PCK1: variants seen among roughly 807,000 people sequenced by gnomAD.
PCK1 encodes phosphoenolpyruvate carboxykinase 1, also known as phosphoenolpyruvate carboxykinase, cytosolic [GTP].
Under a neutral mutation model 50.3 loss-of-function variants are expected in PCK1, and 44 were observed. That is an observed-to-expected ratio of 0.87 (90% CI 0.69 to 1.12). PCK1 has a LOEUF of 1.12. PCK1 is among the 50% of genes most tolerant of loss of function. The pLI is 0.00. For synonymous variants in PCK1, 332 were observed against 314.3 expected (o/e 1.06, Z -0.59); for missense variants, 790 against 815.0 (o/e 0.97, Z 0.37).
Position 57,562,050 on chromosome 20 carries a change from G to A in PCK1, c.225-21G>A, listed in dbSNP as rs763741418. The stretch of plus-strand genomic sequence containing the variant: ...CGCTGCCCGTGGTGCTTGGCTGAAA[G>A]GAAGCCTGTGATTTTTGCAGCTGGT... On this transcript the variant is annotated intron_variant, in intron 2 of 9. Transcript: ENST00000319441. 1.1e-5 allele frequency: 17 copies of A among 1,610,030 alleles called. No individual in the cohort carries two copies. In the South Asian group the frequency reaches 1.9e-4, roughly 18 times the overall value.
In PCK1 at chr20:57,567,977, C is replaced by A. The variant is rs28359563; in HGVS notation, c.*2173C>A. The A allele has an allele frequency of 3.0e-3, 463 of 152,272 alleles. 1 individual carries two copies. Among genetic ancestry groups the A allele is most frequent in the African/African-American group, 0.011 (450 of 41,558 alleles). The allele number at this position is 152,272 out of a possible 1,614,324, so 9.4% of individuals were successfully genotyped here. On this transcript the variant is annotated 3_prime_UTR_variant, in exon 10 of 10. Transcript: ENST00000319441. Reference sequence around the variant, plus strand: ...ACACAGCATAAGAGTTTTCAGGAGACCAAAAAGATTCAATATATGTCATTA... The same window carrying A: ...ACACAGCATAAGAGTTTTCAGGAGAACAAAAAGATTCAATATATGTCATTA...
At chr20:57,562,323 T>C in intron 3 of PCK1, 71 bp downstream of exon 3, 1 of 1,309,118 alleles carries the variant, frequency 7.6e-7, no homozygotes, top group Non-Finnish European at 1.1e-6. Context: ...ATCCTAATGG[T>C]AATTCAAACA....
Position 57,563,670 on chromosome 20 carries a change from G to C in PCK1, c.904G>C (p.Gly302Arg), listed in dbSNP as rs200817092. ...GGCCATGATGAACCCCAGCCTCCCC[G>C]GGTGGAAGGTTGAGTGCGTCGGGGA... ...NLAMMNPSLP[G>R]WKVECVGDDI... Residue 302 changes from glycine to arginine, a missense_variant, in exon 6 of 10, where the codon GGG becomes CGG. Gly to Arg is a moderately radical substitution (Grantham distance 125). Coordinates refer to ENST00000319441, the MANE Select transcript of PCK1 (RefSeq NM_002591.4). 5 of 1,613,734 alleles carry C rather than the reference G, an allele frequency of 3.1e-6. No homozygotes were observed. Among genetic ancestry groups the C allele is most frequent in the Non-Finnish European group, 4.2e-6 (5 of 1,179,822 alleles).
rs747340326 is a variant in PCK1 at position 57,566,070 on chromosome 20, C to T, written c.*266C>T. The T allele has an allele frequency of 9.4e-6, 4 of 424,684 alleles. No individual in the cohort carries two copies. The highest frequency in any genetic ancestry group is 1.7e-5 in the Non-Finnish European group (4 of 237,660). The allele number at this position is 424,684 out of a possible 1,614,324, so 26.3% of individuals were successfully genotyped here. On this transcript the variant is annotated 3_prime_UTR_variant, in exon 10 of 10. Transcript: ENST00000319441. ...CATAGTTTGTTCAAATTTAAGGTTACTCAGGCATTGATCTTTTCAGTGTTT... is the reference window on the plus strand; with the variant it reads ...CATAGTTTGTTCAAATTTAAGGTTATTCAGGCATTGATCTTTTCAGTGTTT...
chr20:57,563,793 T>A (rs2070176737), intron 6 of PCK1, 66 bp downstream of exon 6: 1 of 1,294,458 alleles, frequency 7.7e-7, no homozygotes, highest in Non-Finnish European at 1.1e-6. Context: ...CTTCGAAACA[T>A]GTCACATTCT....
intron 8 of PCK1, 170 bp downstream of exon 8, chr20:57,564,783 C>A (rs2070187391): frequency 1.5e-6 from 1 of 657,454 alleles, no homozygotes. Context: ...GTAGAACCAA[C>A]CCTTCTGGTC....
chr20:57,565,923 G>A lies in PCK1; in HGVS notation c.*119G>A, dbSNP rs937153155. ...CCACCATAATAATCATCACCACACC[G>A]TGAGCAGATCTGAAAGGCACACTTT... On this transcript the variant is annotated 3_prime_UTR_variant, in exon 10 of 10. Coordinates refer to ENST00000319441, the MANE Select transcript of PCK1 (RefSeq NM_002591.4). The A allele has an allele frequency of 2.6e-5, 19 of 718,750 alleles. No individual in the cohort carries two copies. Among genetic ancestry groups the A allele is most frequent in the Middle Eastern group, 2.6e-4 (1 of 3,882 alleles). 44.5% of individuals were successfully genotyped at this position (718,750 alleles called of 1,614,324 possible). A position where few individuals can be genotyped will look rare whatever the true frequency, so the allele number is the denominator to read the frequency against.
intron 6 of PCK1, 79 bp downstream of exon 6, chr20:57,563,806 T>C: frequency 2.5e-6 from 3 of 1,195,074 alleles, no homozygotes; most frequent in Non-Finnish European, 3.6e-6. Flanking sequence ...CACATTCTCC[T>C]CAGTCCAGTG....
In PCK1 at chr20:57,567,132, T is replaced by C. The variant is rs1320860223; in HGVS notation, c.*1328T>C. 1 of 152,216 alleles carries C rather than the reference T, an allele frequency of 6.6e-6. No individual in the cohort carries two copies. The highest frequency in any genetic ancestry group is 1.5e-5 in the Non-Finnish European group (1 of 68,056). 9.4% of individuals were successfully genotyped at this position (152,216 alleles called of 1,614,324 possible). ...CTTTATATCACAGATTCAATCTGTG[T>C]AAATACTATTATCTTCAAGTTGTAG... On this transcript the variant is annotated 3_prime_UTR_variant, in exon 10 of 10. Coordinates refer to ENST00000319441, the MANE Select transcript of PCK1 (RefSeq NM_002591.4).
Position 57,567,259 on chromosome 20 carries a change from C to G in PCK1, c.*1455C>G, listed in dbSNP as rs890734383. The G allele has an allele frequency of 6.6e-6, 1 of 152,216 alleles. No homozygotes were observed. Among genetic ancestry groups the G allele is most frequent in the Non-Finnish European group, 1.5e-5 (1 of 68,056 alleles). 9.4% of individuals were successfully genotyped at this position (152,216 alleles called of 1,614,324 possible). A position where few individuals can be genotyped will look rare whatever the true frequency, so the allele number is the denominator to read the frequency against. On this transcript the variant is annotated 3_prime_UTR_variant, in exon 10 of 10. Transcript: ENST00000319441. The stretch of plus-strand genomic sequence containing the variant: ...CACTCCACCCCTCCAGTCTCCTCAA[C>G]TGGAAAACTTGCCTCTTTTCCTCAC...
rs2070153132 is a variant in PCK1 at position 57,562,255 on chromosome 20, G to A, written c.406+3G>A. 2 of 1,612,316 alleles carry A rather than the reference G, an allele frequency of 1.2e-6. No individual in the cohort carries two copies. Among genetic ancestry groups the A allele is most frequent in the East Asian group, 2.2e-5 (1 of 44,870 alleles). ...CAGGTTCCCAGGGTGCATGAAAGGT[G>A]AGCGGAACATTGATTTGATTGGGTA... On this transcript the variant is annotated splice_donor_region_variant and intron_variant, in intron 3 of 9. Transcript: ENST00000319441.
rs8192708 is a variant in PCK1, at chr20:57,563,565, A to G, written c.799A>G (p.Ile267Val). ...EEGWLAEHMLILGITNPEGEK... is the reference protein window; with the variant it reads ...EEGWLAEHMLVLGITNPEGEK... Reference sequence around the variant, plus strand: ...CAATAAAGAATCTTGTCCCCAACAGATTCTGGGTATAACCAACCCTGAGGG... The same window carrying G: ...CAATAAAGAATCTTGTCCCCAACAGGTTCTGGGTATAACCAACCCTGAGGG... Residue 267 changes from isoleucine (I) to valine (V), a missense_variant and splice_region_variant, in exon 6 of 10, where the codon ATT (isoleucine) becomes GTT (valine). By Grantham distance (29) the Ile-to-Val change is conservative. Transcript: ENST00000319441. 0.11 allele frequency: 167,969 copies of G among 1,592,498 alleles called. 9,714 individuals carry two copies. Among genetic ancestry groups the G allele is most frequent in the Middle Eastern group, 0.2 (1,179 of 5,986 alleles).
chr20:57,562,397 G>GA, intron 3 of PCK1, 145 bp downstream of exon 3: 1 of 705,606 alleles, frequency 1.4e-6, no homozygotes, highest in South Asian at 1.9e-5. Context: ...GCAATGTATT[G>GA]AAAATGCACA....
At position 57,563,644 on chromosome 20, in the gene PCK1, T is replaced by C; in HGVS notation, c.878T>C (p.Leu293Pro). ...CCCAGCGCCTGCGGGAAGACCAACC[T>C]GGCCATGATGAACCCCAGCCTCCCC... ...AFPSACGKTN[L>P]AMMNPSLPGW... Residue 293 changes from leucine (L) to proline (P), a missense_variant, in exon 6 of 10, where the codon CTG becomes CCG. Coordinates refer to ENST00000319441, the MANE Select transcript of PCK1 (RefSeq NM_002591.4). 1.2e-6 allele frequency: 2 copies of C among 1,613,494 alleles called. No homozygotes were observed. The highest frequency in any genetic ancestry group is 1.7e-6 in the Non-Finnish European group (2 of 1,179,464).
At chr20:57,564,113 A>G (rs2070179034) in intron 6 of PCK1, 56 bp from the exon 7 acceptor site, 2 of 1,107,636 alleles carry the variant, frequency 1.8e-6, no homozygotes, top group Non-Finnish European at 2.7e-6. Flanking sequence ...ATATAAGAGT[A>G]TATGTTCTGC....
At chr20:57,562,002 C>A in intron 2 of PCK1, 69 bp from the exon 3 acceptor site, 2 of 1,341,378 alleles carry the variant, frequency 1.5e-6, no homozygotes, top group Non-Finnish European at 1.1e-6. Context: ...GCATGGAAAG[C>A]CACGGTACTG....
chr20:57,565,250 G>A, intron 9 of PCK1, 100 bp from the exon 10 acceptor site: 1 of 1,285,074 alleles, frequency 7.8e-7, no homozygotes, highest in Admixed American at 1.7e-5. Context: ...GAGAGAGAAA[G>A]AGAGAGAGGA....
rs1322202364 is a variant in PCK1 at position 57,565,788 on chromosome 20, G to T, written c.1853G>T (p.Arg618Ile). The T allele has an allele frequency of 6.2e-7, 1 of 1,609,158 alleles. No homozygotes were observed. The highest frequency in any genetic ancestry group is 8.5e-7 in the Non-Finnish European group (1 of 1,177,740). ...AGAGAGATCCTTGCCTTGAAGCAAA[G>T]AATAAGCCAGATGTAATCAGGGCCT... The part of the protein sequence containing the change: ...IEREILALKQ[R>I]ISQM Residue 618 changes from arginine (R) to isoleucine (I), a missense_variant, in exon 10 of 10, where the codon AGA (arginine) becomes ATA (isoleucine). Coordinates refer to ENST00000319441, the MANE Select transcript of PCK1 (RefSeq NM_002591.4).
chr20:57,562,672 G>A (rs1360745595), intron 3 of PCK1, 24 bp from the exon 4 acceptor site: 2 of 1,601,222 alleles, frequency 1.2e-6, no homozygotes, highest in Non-Finnish European at 1.7e-6. Flanking sequence ...TTTCTCACCA[G>A]TGCCCACCCA....
Sources: gnomAD v4.1 joint callset for allele counts on GRCh38, gnomAD v4.1.1 for gene constraint, MANE v1.5 for transcripts, NCBI Gene and HGNC (gene_info 2026-07-23, HGNC 2026-07-21) for gene names.